WASHC4: variants seen among roughly 807,000 people sequenced by gnomAD.
The protein encoded by WASHC4 is WASH complex subunit 4.
In WASHC4, 86 loss-of-function variants were observed where a neutral mutation model predicts 166.6. The ratio of observed to expected loss-of-function variants is 0.52; its 90% CI spans 0.43 to 0.62. The LOEUF (loss-of-function observed/expected upper bound fraction) is 0.62, where lower values mean the gene tolerates loss of function less well. Ranked by LOEUF, WASHC4 falls within the 20% of genes least tolerant of loss-of-function variation. The pLI is 0.00. For synonymous variants in WASHC4, 446 were observed against 451.6 expected (o/e 0.99, Z 0.16); for missense variants, 1,262 against 1,382.4 (o/e 0.91, Z 1.38).
At chr12:105,114,549 T>C in intron 4 of WASHC4, 122 bp downstream of exon 4, 1 of 724,034 alleles carries the variant, frequency 1.4e-6, no homozygotes, top group South Asian at 1.7e-5. Flanking sequence ...TTATTTAACG[T>C]AATACTAATA....
chr12:105,157,972 T>C (rs1013215212), intron 28 of WASHC4, among the ~76,000 whole-genome samples: 52 of 152,160 alleles, frequency 3.4e-4, no homozygotes, highest in African/African-American at 6.3e-4. Context: ...TTCACACTTA[T>C]AGCAGGTTAT....
At chr12:105,130,922 G>C (rs1881742565) in intron 13 of WASHC4, among the ~76,000 whole-genome samples, 1 of 152,180 alleles carries the variant, frequency 6.6e-6, no homozygotes, top group Non-Finnish European at 1.5e-5. Context: ...TTATGTTGGG[G>C]CAGGAGATTT....
chr12:105,167,245 A>G lies in WASHC4; in HGVS notation c.*314A>G, dbSNP rs535871816. The stretch of plus-strand genomic sequence containing the variant: ...TATCACCTCGGATTTCTTGTAATCT[A>G]CATGTTTGTAATTTGTATTTGCATA... On this transcript the variant is annotated 3_prime_UTR_variant, in exon 33 of 33. Coordinates refer to ENST00000332180, the MANE Select transcript of WASHC4 (RefSeq NM_015275.3). 3.3e-5 allele frequency: 11 copies of G among 330,506 alleles called. No individual in the cohort carries two copies. Among genetic ancestry groups the G allele is most frequent in the African/African-American group, 2.1e-4 (10 of 47,400 alleles). The allele number at this position is 330,506 out of a possible 1,614,324, so 20.5% of individuals were successfully genotyped here. A position where few individuals can be genotyped will look rare whatever the true frequency, so the allele number is the denominator to read the frequency against.
chr12:105,140,219 G>A, intron 15 of WASHC4, 75 bp from the exon 16 acceptor site: 4 of 1,046,180 alleles, frequency 3.8e-6, no homozygotes, highest in East Asian at 2.4e-5. Flanking sequence ...CTAGCCTAAG[G>A]TCGTAAAGAT....
intron 24 of WASHC4, chr12:105,148,662 A>C (rs1344098258): frequency 2.0e-6 from 2 of 985,300 alleles, no homozygotes; most frequent in Non-Finnish European, 2.4e-6. Context: ...TTTAAGCTAC[A>C]AGATAAGTTC....
Position 105,140,498 on chromosome 12 carries a change from C to A in WASHC4, c.1560+97C>A, listed in dbSNP as rs1882741652. ...GTTTTCTGGTTTAACCTGTTTATTC[C>A]ATTCCTTCAAACATAATATGCTCGG... On this transcript the variant is annotated intron_variant, in intron 16 of 32. Transcript: ENST00000332180. 4.4e-6 allele frequency: 4 copies of A among 910,374 alleles called. No homozygotes were observed. In the Admixed American group the frequency reaches 7.6e-5, roughly 17 times the overall value. 56.4% of individuals were successfully genotyped at this position (910,374 alleles called of 1,614,324 possible).
Position 105,160,121 on chromosome 12 carries a change from A to C in WASHC4, c.3033A>C (p.Arg1011=). 1 of 1,613,884 alleles carries C rather than the reference A, an allele frequency of 6.2e-7. No individual in the cohort carries two copies. Among genetic ancestry groups the C allele is most frequent in the Non-Finnish European group, 8.5e-7 (1 of 1,179,770 alleles). The change falls in exon 29 of 33, where the codon CGA becomes CGC. Residue 1011 remains arginine, a synonymous_variant. Coordinates refer to ENST00000332180, the MANE Select transcript of WASHC4 (RefSeq NM_015275.3). ...EFRRPKNIHL[R]NFYIIVPPLT... is the part of the protein sequence containing the mutation. ...GAAGGCCAAAGAATATACATCTCCG[A>C]AATTTCTATATAATTGTTCCCCCTC... is the stretch of plus-strand genomic sequence containing the variant.
At chr12:105,120,479 C>A (rs1880624251) in intron 7 of WASHC4, 76 bp from the exon 8 acceptor site, 2 of 845,690 alleles carry the variant, frequency 2.4e-6, no homozygotes, top group Non-Finnish European at 4.1e-6. Context: ...ATCATCTGCT[C>A]CTGTATGTAT....
chr12:105,149,525 G>C, intron 24 of WASHC4, 90 bp from the exon 25 acceptor site: 1 of 1,057,836 alleles, frequency 9.5e-7, no homozygotes, highest in Admixed American at 2.5e-5. Context: ...AGTACAAATA[G>C]ATAACTGTGA....
chr12:105,164,108 C>T lies in WASHC4; in HGVS notation c.3158-3C>T. The T allele has an allele frequency of 6.2e-7, 1 of 1,613,956 alleles. No individual in the cohort carries two copies. The highest frequency in any genetic ancestry group is 1.3e-5 in the African/African-American group (1 of 75,052). ...TTAACCTTAGTTTTGCTTATGCCTGCAGGTGTGGCTTACATTCTAAAGCTT... is the reference window on the plus strand; with the variant it reads ...TTAACCTTAGTTTTGCTTATGCCTGTAGGTGTGGCTTACATTCTAAAGCTT... On this transcript the variant is annotated splice_region_variant and splice_polypyrimidine_tract_variant and intron_variant, in intron 30 of 32. Coordinates refer to ENST00000332180, the MANE Select transcript of WASHC4 (RefSeq NM_015275.3).
chr12:105,127,281 A>G lies in WASHC4; in HGVS notation c.1191A>G (p.Ser397=). The G allele has an allele frequency of 6.2e-7, 1 of 1,605,836 alleles. No homozygotes were observed. Among genetic ancestry groups the G allele is most frequent in the Non-Finnish European group, 8.5e-7 (1 of 1,172,642 alleles). The change falls in exon 13 of 33, where the codon TCA becomes TCG. Residue 397 remains serine, a synonymous_variant. Transcript: ENST00000332180. ...RDTFLQQKAQ[S]LTKDVQSYYV... ...CTTTTCTACAACAGAAAGCTCAATC[A>G]CTTACCAAGTAGGTTTTATAAACAA... is the stretch of plus-strand genomic sequence containing the variant.
At chr12:105,148,449 G>A in intron 24 of WASHC4, 2 of 985,370 alleles carry the variant, frequency 2.0e-6, no homozygotes, top group Non-Finnish European at 2.4e-6. Flanking sequence ...AGTAATCACA[G>A]GGATATAGAT....
At chr12:105,133,089 T>A (rs1478871950) in intron 13 of WASHC4, among the ~76,000 whole-genome samples, 16 of 152,232 alleles carry the variant, frequency 1.1e-4, no homozygotes. Context: ...TGGCTTTCTG[T>A]CTCTCTGAGT....
intron 13 of WASHC4, among the ~76,000 whole-genome samples, chr12:105,127,509 G>A (rs1202157154): frequency 6.6e-6 from 1 of 152,048 alleles, no homozygotes; most frequent in African/African-American, 2.4e-5. Context: ...ATACTTTATG[G>A]ATACAAATGC....
At chr12:105,132,547 C>T (rs1881936878) in intron 13 of WASHC4, among the ~76,000 whole-genome samples, 1 of 152,182 alleles carries the variant, frequency 6.6e-6, no homozygotes, top group African/African-American at 2.4e-5. Context: ...TGGAATGAGA[C>T]TGAGTTGGGA....
intron 32 of WASHC4, among the ~76,000 whole-genome samples, chr12:105,165,689 TGGG>T (rs891402995): frequency 1.3e-5 from 2 of 152,200 alleles, no homozygotes; most frequent in African/African-American, 4.8e-5. Flanking sequence ...GGTGACTCAT[TGGG>T]TAGACCACTT....
chr12:105,156,694 T>C (rs1259162200), intron 26 of WASHC4, 32 bp from the exon 27 acceptor site: 1 of 1,527,192 alleles, frequency 6.5e-7, no homozygotes, highest in Admixed American at 1.7e-5. Flanking sequence ...GTTATTTATA[T>C]AAATATCTGA....
Position 105,149,655 on chromosome 12 carries a change from T to TA in WASHC4, c.2556dup (p.Phe853IlefsTer2). On this transcript the variant is annotated frameshift_variant, in exon 25 of 33. Transcript: ENST00000332180. LOFTEE classifies it high-confidence loss of function. ...CAGTTTTTGAAAAAGAAGTTCTATA[T>TA]ATTTAGCCAATTTATGTATGATGAA... 16 of 1,553,532 alleles carry TA rather than the reference T, an allele frequency of 1.0e-5. No homozygotes were observed. Among genetic ancestry groups the TA allele is most frequent in the Non-Finnish European group, 1.3e-5 (15 of 1,128,228 alleles).
chr12:105,122,376 C>A (rs535606702), intron 10 of WASHC4, 138 bp downstream of exon 10: 24 of 828,584 alleles, frequency 2.9e-5, no homozygotes, highest in South Asian at 6.7e-5. Context: ...ATTATTGTTA[C>A]AGTACTAAAA....
Sources: gnomAD v4.1 joint callset for allele counts (sites outside exome capture counted in the v4.1 genomes callset) on GRCh38, gnomAD v4.1.1 for gene constraint, MANE v1.5 for transcripts, NCBI Gene and HGNC (gene_info 2026-07-23, HGNC 2026-07-21) for gene names.